PRKAR2B: variants seen among roughly 807,000 people sequenced by gnomAD.
PRKAR2B encodes the protein cAMP-dependent protein kinase type II-beta regulatory subunit.
PRKAR2B carries 14 observed loss-of-function variants against 49.9 expected under a neutral mutation model. The ratio of observed to expected loss-of-function variants is 0.28; its 90% confidence interval spans 0.19 to 0.44. The LOEUF (loss-of-function observed/expected upper bound fraction) is 0.44, where lower values mean the gene tolerates loss of function less well. PRKAR2B is among the 20% of genes least tolerant of loss of function. PRKAR2B has a pLI of 1.00. For missense variants in PRKAR2B, 393 were observed against 537.9 expected, an observed-to-expected ratio of 0.73 and a Z score of 2.67; for synonymous variants, 196 against 197.7, an observed-to-expected ratio of 0.99 and a Z score of 0.07.
chr7:107,055,897 A>G (rs934632568), intron 1 of PRKAR2B, among the ~76,000 whole-genome samples: 85 of 152,312 alleles, frequency 5.6e-4, no homozygotes, highest in Non-Finnish European at 9.3e-4. Flanking sequence ...GCCCATGCCT[A>G]TGTCCTGAAT....
At chr7:107,061,474 A>G (rs1206088281) in intron 1 of PRKAR2B, among the ~76,000 whole-genome samples, 1 of 152,202 alleles carries the variant, frequency 6.6e-6, no homozygotes, top group African/African-American at 2.4e-5. Flanking sequence ...TTCCTATGTA[A>G]CTTATCACAA....
chr7:107,116,711 A>G (rs1488105856), intron 2 of PRKAR2B, among the ~76,000 whole-genome samples: 2 of 151,908 alleles, frequency 1.3e-5, no homozygotes, highest in Non-Finnish European at 2.9e-5. Context: ...TGTTCTTCCA[A>G]TGCCTTTGCT....
At chr7:107,076,988 TTG>T (rs2116782316) in intron 2 of PRKAR2B, among the ~76,000 whole-genome samples, 1 of 152,346 alleles carries the variant, frequency 6.6e-6, no homozygotes, top group East Asian at 1.9e-4. Context: ...TCCTTTTGTT[TTG>T]TTTGGGAAAT....
At chr7:107,056,374 G>A (rs1034460573) in intron 1 of PRKAR2B, among the ~76,000 whole-genome samples, 1 of 152,148 alleles carries the variant, frequency 6.6e-6, no homozygotes, top group Admixed American at 6.5e-5. Context: ...TAGCTTGATG[G>A]GGATGGCATT....
intron 8 of PRKAR2B, among the ~76,000 whole-genome samples, chr7:107,156,329 T>A (rs567980254): frequency 6.6e-6 from 1 of 151,926 alleles, no homozygotes; most frequent in African/African-American, 2.4e-5. Flanking sequence ...TCCCAGCTAC[T>A]TGGGAGGGTG....
intron 5 of PRKAR2B, among the ~76,000 whole-genome samples, chr7:107,145,496 G>A (rs771034450): frequency 1.3e-5 from 2 of 152,180 alleles, no homozygotes; most frequent in Non-Finnish European, 2.9e-5. Flanking sequence ...TAGCGAATAT[G>A]CCTAGAATCC....
chr7:107,122,717 G>A (rs1795410437), intron 3 of PRKAR2B, among the ~76,000 whole-genome samples: 2 of 152,140 alleles, frequency 1.3e-5, no homozygotes, highest in African/African-American at 4.8e-5. Context: ...GCTCTGAAAA[G>A]TACATAAGTA....
chr7:107,158,401 A>AT (rs1385866805), intron 10 of PRKAR2B, among the ~76,000 whole-genome samples: 3 of 152,228 alleles, frequency 2.0e-5, no homozygotes, highest in Non-Finnish European at 1.5e-5. Context: ...TGCTATTATA[A>AT]TTCCTTCTTG....
intron 2 of PRKAR2B, among the ~76,000 whole-genome samples, chr7:107,094,795 T>G (rs1009953037): frequency 7.9e-5 from 12 of 152,190 alleles, no homozygotes; most frequent in African/African-American, 2.9e-4. Context: ...TTTTCTCAGG[T>G]TTGTCAAAGA....
chr7:107,133,290 A>G (rs1260816945), intron 4 of PRKAR2B, among the ~76,000 whole-genome samples: 3 of 152,230 alleles, frequency 2.0e-5, no homozygotes, highest in African/African-American at 7.2e-5. Flanking sequence ...TGAATTCTTC[A>G]GTTTTATAAT....
At position 107,159,335 on chromosome 7, in the gene PRKAR2B, T is replaced by C. The variant is rs112539433; in HGVS notation, c.1124-114T>C. 3.2e-3 allele frequency: 3,347 copies of C among 1,054,600 alleles called. 61 individuals carry two copies. The African/African-American group carries it at 0.044, about 14-fold the overall frequency. The allele number at this position is 1,054,600 out of a possible 1,614,324, so 65.3% of individuals were successfully genotyped here. A position where few individuals can be genotyped will look rare whatever the true frequency, so the allele number is the denominator to read the frequency against. ...GCTTTTTCTTGTATTTTATAGTATT[T>C]ACCTAAAATATCATTGCACTATTGA... On this transcript the variant is annotated intron_variant, in intron 10 of 10. Coordinates refer to ENST00000265717, the MANE Select transcript of PRKAR2B (RefSeq NM_002736.3).
intron 2 of PRKAR2B, among the ~76,000 whole-genome samples, chr7:107,087,536 G>A (rs1213418584): frequency 1.3e-5 from 2 of 152,000 alleles, no homozygotes; most frequent in Non-Finnish European, 2.9e-5. Flanking sequence ...TCTATATGAC[G>A]GGCACTGTTA....
intron 2 of PRKAR2B, among the ~76,000 whole-genome samples, chr7:107,072,977 C>T (rs1794310985): frequency 6.6e-6 from 1 of 152,070 alleles, no homozygotes; most frequent in Non-Finnish European, 1.5e-5. Context: ...AAAGTTACAA[C>T]AGTAAATGCT....
chr7:107,120,652 A>T lies in PRKAR2B; in HGVS notation c.344-1300A>T, dbSNP rs1254426689. ...AAAAGAAGTAAATCTTCAGATTTGC[A>T]AATAAGGAAAGGGTTTTCAAGGTCA... On this transcript the variant is annotated intron_variant, in intron 2 of 10. Transcript: ENST00000265717. 3.3e-5 allele frequency among the ~76,000 whole-genome samples: 5 copies of T among 152,318 alleles called. No homozygotes were observed. The East Asian group carries it at 9.6e-4, about 29-fold the overall frequency.
chr7:107,066,301 G>GGGGGGGGGGT (rs147673007), intron 1 of PRKAR2B, among the ~76,000 whole-genome samples: 1 of 145,512 alleles, frequency 6.9e-6, no homozygotes. Flanking sequence ...CTCTATGTGG[G>GGGGGGGGGGT]GTGTGTGTGT....
intron 4 of PRKAR2B, among the ~76,000 whole-genome samples, chr7:107,136,591 C>T (rs1230185806): frequency 6.6e-6 from 1 of 152,144 alleles, no homozygotes; most frequent in Non-Finnish European, 1.5e-5. Flanking sequence ...GGAAATGCAA[C>T]TTAAAACAGC....
At chr7:107,064,451 T>C (rs1250186548) in intron 1 of PRKAR2B, among the ~76,000 whole-genome samples, 1 of 152,130 alleles carries the variant, frequency 6.6e-6, no homozygotes, top group African/African-American at 2.4e-5. Context: ...CGTGTCTGAG[T>C]GGGTTGGACA....
intron 1 of PRKAR2B, among the ~76,000 whole-genome samples, chr7:107,069,195 C>T (rs1344703226): frequency 1.3e-5 from 2 of 152,198 alleles, no homozygotes; most frequent in African/African-American, 4.8e-5. Context: ...CTTGGCCTCC[C>T]AAAGTGTTGG....
At chr7:107,121,364 A>G (rs904291539) in intron 2 of PRKAR2B, among the ~76,000 whole-genome samples, 2 of 152,172 alleles carry the variant, frequency 1.3e-5, no homozygotes, top group African/African-American at 4.8e-5. Context: ...ATAATCTGCA[A>G]TCCTTAAATG....
Sources: gnomAD v4.1 joint callset for allele counts (sites outside exome capture counted in the v4.1 genomes callset) on GRCh38, gnomAD v4.1.1 for gene constraint, MANE v1.5 for transcripts, NCBI Gene and HGNC (gene_info 2026-07-23, HGNC 2026-07-21) for gene names.